DLC1: variants seen among roughly 807,000 people sequenced by gnomAD.
DLC1 encodes the protein DLC1 Rho GTPase activating protein.
DLC1 carries 54 observed loss-of-function variants against 140.3 expected under a neutral mutation model. That is an observed-to-expected ratio of 0.38 (90% CI 0.31 to 0.48). The LOEUF (loss-of-function observed/expected upper bound fraction) is 0.48. DLC1 is among the 20% of genes least tolerant of loss of function. The pLI is 0.96. For synonymous variants in DLC1, 986 were observed against 728.1 expected (o/e 1.35, Z -5.70); for missense variants, 2,536 against 1,907.0 (o/e 1.33, Z -6.14).
chr8:13,536,092 A>T (rs909851807), intron 1 of DLC1: 5 of 152,374 alleles, frequency 3.3e-5, no homozygotes, highest in South Asian at 2.1e-4. Context: ...GAGCCTGGTT[A>T]GTATTTGGAT....
Position 13,599,813 on chromosome 8 carries a change from C to A in DLC1, c.-126+4724G>T, listed in dbSNP as rs552956863. 4.6e-5 allele frequency among the ~76,000 whole-genome samples: 7 copies of A among 151,664 alleles called. No individual in the cohort carries two copies. The South Asian group carries it at 1.5e-3, about 31-fold the overall frequency. ...TGCAAAGGTCCTTTAGTAGCCACAG[C>A]AATTCTTAAGAAAGAAAAAACATAA... On this transcript the variant is annotated intron_variant, in intron 1 of 1. Transcript: ENST00000631382.
chr8:13,570,505 C>G (rs903226409), intron 1 of DLC1, among the ~76,000 whole-genome samples: 2 of 134,430 alleles, frequency 1.5e-5, no homozygotes, highest in African/African-American at 2.8e-5. Context: ...TCCGTGTGAT[C>G]TCATTGTTCA....
chr8:13,280,541 T>C (rs992088883), intron 5 of DLC1, among the ~76,000 whole-genome samples: 1 of 152,164 alleles, frequency 6.6e-6, no homozygotes, highest in Admixed American at 6.5e-5. Flanking sequence ...TTTGGTAATG[T>C]ATTATTGATT....
intron 5 of DLC1, among the ~76,000 whole-genome samples, chr8:13,236,702 T>C (rs1045292726): frequency 4.6e-5 from 7 of 152,088 alleles, no homozygotes; most frequent in African/African-American, 1.4e-4. Context: ...ATTAGGGCCA[T>C]TTGGGATAAA....
At chr8:13,564,828 G>C (rs1311275768) in intron 1 of DLC1, among the ~76,000 whole-genome samples, 1 of 152,190 alleles carries the variant, frequency 6.6e-6, no homozygotes, top group Non-Finnish European at 1.5e-5. Context: ...CTGCAGAACA[G>C]TAACAGGAGG....
intron 5 of DLC1, among the ~76,000 whole-genome samples, chr8:13,255,209 G>A (rs1426847828): frequency 6.6e-6 from 1 of 152,060 alleles, no homozygotes; most frequent in Non-Finnish European, 1.5e-5. Flanking sequence ...GACCTCAAGT[G>A]ATCTGCCCAC....
chr8:13,489,553 A>T (rs927013542), intron 2 of DLC1, among the ~76,000 whole-genome samples: 2 of 147,384 alleles, frequency 1.4e-5, no homozygotes, highest in South Asian at 2.2e-4. Flanking sequence ...AATATTTCTG[A>T]CAATAGATGG....
intron 2 of DLC1, among the ~76,000 whole-genome samples, chr8:13,430,503 T>A (rs1838815156): frequency 6.6e-6 from 1 of 152,190 alleles, no homozygotes; most frequent in Admixed American, 6.5e-5. Context: ...ATTGCCCTCA[T>A]TTTCATTCTT....
chr8:13,110,923 A>T (rs1820049881), intron 6 of DLC1, 100 bp from the exon 7 acceptor site: 2 of 1,020,558 alleles, frequency 2.0e-6, no homozygotes, highest in African/African-American at 1.6e-5. Flanking sequence ...TCAGCAATAT[A>T]CTAAGCACCT....
chr8:13,376,093 G>A (rs768705169), intron 4 of DLC1, among the ~76,000 whole-genome samples: 3 of 152,166 alleles, frequency 2.0e-5, no homozygotes, highest in Non-Finnish European at 2.9e-5. Context: ...TTCCCACATC[G>A]TCTTCGTGGC....
chr8:13,363,963 T>C (rs931781947), intron 4 of DLC1, among the ~76,000 whole-genome samples: 6 of 152,202 alleles, frequency 3.9e-5, no homozygotes, highest in Admixed American at 6.5e-5. Context: ...CTCTTTGAAA[T>C]GTGAAATTCC....
At chr8:13,221,853 T>C (rs889074010) in intron 5 of DLC1, among the ~76,000 whole-genome samples, 2 of 144,184 alleles carry the variant, frequency 1.4e-5, no homozygotes, top group African/African-American at 2.5e-5. Flanking sequence ...TAAAATATAT[T>C]AATATATTAA....
chr8:13,356,505 T>C (rs1180116567), intron 4 of DLC1, among the ~76,000 whole-genome samples: 1 of 152,258 alleles, frequency 6.6e-6, no homozygotes, highest in African/African-American at 2.4e-5. Flanking sequence ...CTGAAGCCTA[T>C]GTAGACATTT....
intron 2 of DLC1, among the ~76,000 whole-genome samples, chr8:13,456,639 A>G (rs1799402814): frequency 6.6e-6 from 1 of 151,900 alleles, no homozygotes; most frequent in Non-Finnish European, 1.5e-5. Flanking sequence ...TTGTATTTTT[A>G]GTAGAGATGG....
Position 13,479,838 on chromosome 8 carries a change from G to GAGAAA in DLC1, c.1023+19210_1023+19211insTTTCT, listed in dbSNP as rs1563383507. ...AGAAGAAGAAGAAGAAGAAGAAGAAGAAGAAGAAGAAGAAGAAGAAGAGAA... is the reference window on the plus strand; with the variant it reads ...AGAAGAAGAAGAAGAAGAAGAAGAAGAGAAAAAGAAGAAGAAGAAGAAGAAGAGAA... On this transcript the variant is annotated intron_variant, in intron 2 of 17. Transcript: ENST00000276297. Among the ~76,000 whole-genome samples the GAGAAA allele has an allele frequency of 4.9e-3, 105 of 21,640 alleles. 3 individuals are homozygous for GAGAAA. Among genetic ancestry groups the GAGAAA allele is most frequent in the Middle Eastern group, 0.045 (1 of 22 alleles). The allele number at this position is 21,640 out of a possible 152,430, so 14.2% of individuals were successfully genotyped here. A position where few individuals can be genotyped will look rare whatever the true frequency, so the allele number is the denominator to read the frequency against.
intron 4 of DLC1, among the ~76,000 whole-genome samples, chr8:13,366,542 G>A (rs753965609): frequency 6.6e-6 from 1 of 152,126 alleles, no homozygotes; most frequent in Admixed American, 6.6e-5. Flanking sequence ...AGAAAAGCTG[G>A]GGAAAGAACC....
At chr8:13,431,529 C>T (rs7837134) in intron 2 of DLC1, among the ~76,000 whole-genome samples, 7,525 of 124,040 alleles carry the variant, frequency 0.061, 661 homozygotes, top group African/African-American at 0.21. Context: ...AAGAATCAAG[C>T]ATTGATGTCA....
chr8:13,580,081 C>G (rs922361839), intron 1 of DLC1, among the ~76,000 whole-genome samples: 2 of 151,910 alleles, frequency 1.3e-5, no homozygotes, highest in South Asian at 2.1e-4. Flanking sequence ...ATCCCATATT[C>G]TCATATGCCA....
chr8:13,564,893 A>G (rs1031174838), intron 1 of DLC1, among the ~76,000 whole-genome samples: 15 of 152,160 alleles, frequency 9.9e-5, no homozygotes, highest in Non-Finnish European at 1.6e-4. Context: ...TCTATTCTTC[A>G]TATCTCCCAA....
Sources: allele counts gnomAD v4.1 joint callset (sites outside exome capture counted in the v4.1 genomes callset), GRCh38; gene constraint gnomAD v4.1.1; transcripts MANE v1.5; gene names NCBI Gene and HGNC (gene_info 2026-07-23, HGNC 2026-07-21).